PKHD1: variants seen among roughly 807,000 people sequenced by gnomAD.
PKHD1 encodes the protein fibrocystin.
A neutral mutation model predicts 412.0 loss-of-function variants in PKHD1; 291 were observed. That is an observed-to-expected ratio of 0.71 (90% CI 0.64 to 0.78). The LOEUF is 0.78. Ranked by LOEUF, PKHD1 falls within the 30% of genes least tolerant of loss-of-function variation. The pLI is 0.00. For synonymous variants in PKHD1, 1,777 were observed against 1,821.5 expected (o/e 0.98, Z 0.62); for missense variants, 4,825 against 4,950.7 (o/e 0.97, Z 0.76).
rs748482868 is a variant in PKHD1 at position 52,035,707 on chromosome 6, T to C, written c.3112A>G (p.Thr1038Ala). 1.9e-6 allele frequency: 3 copies of C among 1,613,836 alleles called. No homozygotes were observed. Among genetic ancestry groups the C allele is most frequent in the African/African-American group, 2.7e-5 (2 of 74,896 alleles). The part of the protein sequence containing the change: ...RAADIGGLWA[T>A]IRGSSLEGVS... ...CCTTCCAAACTAGAGCCTCGGATGG[T>C]GGCCCAGAGCCCTCCTGTAACAAAA... The change falls in exon 28 of 67, where the codon ACC becomes GCC. Residue 1038 changes from threonine (T) to alanine (A), a missense_variant. Coordinates refer to ENST00000371117, the MANE Select transcript of PKHD1 (RefSeq NM_138694.4).
At chr6:51,740,173 T>A (rs2150941241) in intron 60 of PKHD1, among the ~76,000 whole-genome samples, 1 of 152,364 alleles carries the variant, frequency 6.6e-6, no homozygotes, top group East Asian at 1.9e-4. Flanking sequence ...TGGCTGCACA[T>A]GCAAACTTAC....
intron 48 of PKHD1, among the ~76,000 whole-genome samples, chr6:51,863,094 AC>A (rs2151733426): frequency 6.6e-6 from 1 of 152,266 alleles, no homozygotes; most frequent in South Asian, 2.1e-4. Flanking sequence ...ATACCATTAT[AC>A]CCATTTTAGT....
intron 61 of PKHD1, among the ~76,000 whole-genome samples, chr6:51,656,365 G>A (rs1351168908): frequency 6.6e-6 from 1 of 152,086 alleles, no homozygotes; most frequent in East Asian, 1.9e-4. Context: ...AGGGAAGGGA[G>A]AGCATTAGGA....
chr6:51,668,714 C>T (rs56179736), intron 60 of PKHD1, among the ~76,000 whole-genome samples: 4,319 of 152,178 alleles, frequency 0.028, 83 homozygotes, highest in Non-Finnish European at 0.043. Context: ...TTTTGAGATA[C>T]GTCCCATCAA....
chr6:52,003,136 T>A (rs1328250794), intron 35 of PKHD1, among the ~76,000 whole-genome samples: 1 of 152,110 alleles, frequency 6.6e-6, no homozygotes, highest in Non-Finnish European at 1.5e-5. Context: ...AGAAAAAAAA[T>A]TCTTCAACTT....
intron 66 of PKHD1, among the ~76,000 whole-genome samples, chr6:51,624,615 C>CA (rs1767017682): frequency 6.6e-6 from 1 of 151,238 alleles, no homozygotes; most frequent in African/African-American, 2.4e-5. Flanking sequence ...TCTTTTTTTT[C>CA]CCCAGCAGTT....
At chr6:51,660,302 T>C (rs1772623533) in intron 60 of PKHD1, among the ~76,000 whole-genome samples, 1 of 151,992 alleles carries the variant, frequency 6.6e-6, no homozygotes, top group African/African-American at 2.4e-5. Flanking sequence ...CAAGATAAAC[T>C]GCTTTTTACT....
In PKHD1 at chr6:52,073,556, A is replaced by AT. The variant is rs758448693; in HGVS notation, c.449-16dup. On this transcript the variant is annotated splice_polypyrimidine_tract_variant and intron_variant, in intron 6 of 66. Transcript: ENST00000371117. ...TATTAGTTTTCCTGTTTGAAGAAGA[A>AT]TTTTTTTAATTTAATGGACTTAGCT... 3.4e-6 allele frequency: 5 copies of AT among 1,467,610 alleles called. No individual in the cohort carries two copies. Among genetic ancestry groups the AT allele is most frequent in the Admixed American group, 1.7e-5 (1 of 59,844 alleles). 90.9% of individuals were successfully genotyped at this position (1,467,610 alleles called of 1,614,324 possible).
At chr6:51,816,417 A>G (rs1392737913) in intron 52 of PKHD1, among the ~76,000 whole-genome samples, 1 of 152,196 alleles carries the variant, frequency 6.6e-6, no homozygotes, top group Non-Finnish European at 1.5e-5. Context: ...GAAGAGGAAA[A>G]GAGATAAGGA....
intron 35 of PKHD1, among the ~76,000 whole-genome samples, chr6:51,973,067 T>C (rs933349212): frequency 6.6e-6 from 1 of 152,168 alleles, no homozygotes; most frequent in Non-Finnish European, 1.5e-5. Flanking sequence ...AGCAAGCAGG[T>C]GGTAACATAA....
intron 50 of PKHD1, among the ~76,000 whole-genome samples, chr6:51,844,422 G>A (rs770512322): frequency 9.9e-5 from 15 of 152,182 alleles, no homozygotes; most frequent in Non-Finnish European, 1.5e-4. Context: ...TATTGTATGC[G>A]TATGATTTTT....
intron 61 of PKHD1, among the ~76,000 whole-genome samples, chr6:51,653,427 T>A (rs187252357): frequency 6.6e-6 from 1 of 152,238 alleles, no homozygotes; most frequent in African/African-American, 2.4e-5. Context: ...CATGTTGTTA[T>A]AGTAACACTT....
intron 55 of PKHD1, among the ~76,000 whole-genome samples, chr6:51,772,319 C>T (rs907009990): frequency 2.0e-5 from 3 of 151,756 alleles, no homozygotes; most frequent in African/African-American, 7.3e-5. Context: ...TCATATGTTT[C>T]ATCTCCCTCC....
intron 35 of PKHD1, among the ~76,000 whole-genome samples, chr6:51,997,664 T>G (rs749660268): frequency 6.6e-6 from 1 of 152,210 alleles, no homozygotes; most frequent in Non-Finnish European, 1.5e-5. Flanking sequence ...TTCCACTGTT[T>G]GCAACAACAT....
Position 51,775,899 on chromosome 6 carries a change from T to C in PKHD1, c.8463A>G (p.Glu2821=). ...LKVGTLENPL[E]KEQKLLILLR... is the part of the protein sequence containing the mutation. Reference sequence around the variant, plus strand: ...GGAGAATCAGAAGCTTTTGTTCCTTTTCTAAGGGATTTTCTAAAGTACCTG... The same window carrying C: ...GGAGAATCAGAAGCTTTTGTTCCTTCTCTAAGGGATTTTCTAAAGTACCTG... The change falls in exon 54 of 67, where the codon GAA becomes GAG. Residue 2821 remains glutamate, a synonymous_variant. Transcript: ENST00000371117. The C allele has an allele frequency of 6.4e-7, 1 of 1,572,150 alleles. No homozygotes were observed. The highest frequency in any genetic ancestry group is 8.7e-7 in the Non-Finnish European group (1 of 1,143,122).
At chr6:51,848,761 T>C (rs1203022477) in intron 49 of PKHD1, among the ~76,000 whole-genome samples, 1 of 152,122 alleles carries the variant, frequency 6.6e-6, no homozygotes. Flanking sequence ...CTCCCTAAGA[T>C]AGGCTCTCAG....
At chr6:51,926,794 AC>A (rs1785708521) in intron 37 of PKHD1, among the ~76,000 whole-genome samples, 1 of 152,138 alleles carries the variant, frequency 6.6e-6, no homozygotes, top group Non-Finnish European at 1.5e-5. Context: ...CAGTGTTTAG[AC>A]TTTTTTGAAG....
At chr6:51,785,893 C>CTACT (rs1792773788) in intron 53 of PKHD1, among the ~76,000 whole-genome samples, 2 of 152,154 alleles carry the variant, frequency 1.3e-5, no homozygotes, top group Non-Finnish European at 2.9e-5. Flanking sequence ...ATTCATAAAT[C>CTACT]TGCTTGTTCT....
At chr6:51,758,054 A>AGAGAGAGAGAGAGAGAGAG (rs1485093515) in intron 55 of PKHD1, among the ~76,000 whole-genome samples, 1 of 115,312 alleles carries the variant, frequency 8.7e-6, no homozygotes, top group African/African-American at 3.4e-5. Flanking sequence ...GAGAGAGAGA[A>AGAGAGAGAGAGAGAGAGAG]AACAAAGCAA....
Sources: gnomAD v4.1 joint callset for allele counts (sites outside exome capture counted in the v4.1 genomes callset) on GRCh38, gnomAD v4.1.1 for gene constraint, MANE v1.5 for transcripts, NCBI Gene and HGNC (gene_info 2026-07-23, HGNC 2026-07-21) for gene names.